Variants in ZMYM2 observed in about 807,000 individuals in gnomAD.
The protein encoded by ZMYM2 is zinc finger MYM-type protein 2.
In ZMYM2, 56 loss-of-function variants were observed where a neutral mutation model predicts 162.8. That is an observed-to-expected ratio of 0.34 (90% CI 0.28 to 0.43). The LOEUF is 0.43. ZMYM2 is among the 20% of genes least tolerant of loss of function. The pLI is 1.00. For missense variants in ZMYM2, 1,275 were observed against 1,621.8 expected, an observed-to-expected ratio of 0.79 and a Z score of 3.67; for synonymous variants, 510 against 541.6, an observed-to-expected ratio of 0.94 and a Z score of 0.81.
At chr13:20,021,863 G>A (rs1042116149) in intron 7 of ZMYM2, among the ~76,000 whole-genome samples, 16 of 152,048 alleles carry the variant, frequency 1.1e-4, no homozygotes, top group African/African-American at 3.9e-4. Flanking sequence ...AAAATACGTC[G>A]GTAGATGTAT....
intron 2 of ZMYM2, among the ~76,000 whole-genome samples, chr13:19,971,244 G>GTGTGTATATATATATATA (rs5802035): frequency 1.6e-4 from 8 of 50,122 alleles, no homozygotes; most frequent in East Asian, 5.7e-3. Context: ...GTGTGTGTGT[G>GTGTGTATATATATATATA]TATATATATA....
At chr13:20,037,611 T>C (rs538003878) in intron 12 of ZMYM2, among the ~76,000 whole-genome samples, 2 of 152,218 alleles carry the variant, frequency 1.3e-5, no homozygotes, top group Non-Finnish European at 2.9e-5. Context: ...TTGCTCTTTT[T>C]TGGCTTTTTG....
the ZMYM2 span, among the ~76,000 whole-genome samples, chr13:19,922,405 G>A: frequency 6.6e-6 from 1 of 152,216 alleles, no homozygotes; most frequent in Non-Finnish European, 1.5e-5. Flanking sequence ...TGTGGCAATA[G>A]CAAGCAGTTT....
chr13:19,969,195 G>A (rs989178720), intron 2 of ZMYM2, among the ~76,000 whole-genome samples: 3 of 152,282 alleles, frequency 2.0e-5, no homozygotes, highest in South Asian at 2.1e-4. Flanking sequence ...AACAATGGAC[G>A]TATTCATCGC....
In ZMYM2 at chr13:20,051,521, A is replaced by G. The variant is rs985176269; in HGVS notation, c.2381A>G (p.His794Arg). 13 of 1,613,522 alleles carry G rather than the reference A, an allele frequency of 8.1e-6. No individual in the cohort carries two copies. The highest frequency in any genetic ancestry group is 3.3e-5 in the South Asian group (3 of 91,072). The change falls in exon 13 of 25, where the codon CAT (histidine) becomes CGT (arginine). Residue 794 changes from histidine to arginine, a missense_variant. Around this residue, in one of 10 missense-constraint regions of ZMYM2, gnomAD observed 177 missense variants for 228.0 expected, o/e 0.78. Transcript: ENST00000610343. ...RGEMKHFCDQHCLLRFYCQQN... is the reference protein window; with the variant it reads ...RGEMKHFCDQRCLLRFYCQQN... ...GAAATGAAACATTTCTGTGATCAAC[A>G]TTGCTTACTGCGTTTCTACTGTCAA...
the ZMYM2 span, among the ~76,000 whole-genome samples, chr13:19,908,237 G>A: frequency 1.3e-5 from 2 of 152,098 alleles, no homozygotes; most frequent in East Asian, 1.9e-4. Context: ...GCAGTGAGCC[G>A]AGATTGGACC....
chr13:20,088,072 C>T lies in ZMYM2; in HGVS notation c.*2058C>T, dbSNP rs1958371872. On this transcript the variant is annotated 3_prime_UTR_variant, in exon 25 of 25. Transcript: ENST00000610343. ...TACTACTATCAAGCACCTTGTCTTG[C>T]TATTTACAGTTTCTTCATTTGTATA... 1 of 198,260 alleles carries T rather than the reference C, an allele frequency of 5.0e-6. No homozygotes were observed. The highest frequency in any genetic ancestry group is 1.0e-5 in the Non-Finnish European group (1 of 95,610). 12.3% of individuals were successfully genotyped at this position (198,260 alleles called of 1,614,324 possible).
chr13:20,019,510 A>G, intron 6 of ZMYM2, 37 bp from the exon 7 acceptor site: 1 of 1,511,644 alleles, frequency 6.6e-7, no homozygotes, highest in Non-Finnish European at 9.0e-7. Flanking sequence ...GCTATTCTTT[A>G]TGTGTGTTTA....
the ZMYM2 span, among the ~76,000 whole-genome samples, chr13:19,872,418 T>C: frequency 0.012 from 1,831 of 151,966 alleles, 37 homozygotes; most frequent in African/African-American, 0.04. Context: ...GGCATGGTGG[T>C]GGGTGCCTGT....
chr13:19,878,187 G>A, the ZMYM2 span, among the ~76,000 whole-genome samples: 1 of 151,840 alleles, frequency 6.6e-6, no homozygotes, highest in Non-Finnish European at 1.5e-5. Context: ...CGAGTAGCTG[G>A]GACTACAGGC....
intron 21 of ZMYM2, among the ~76,000 whole-genome samples, chr13:20,079,371 A>G (rs1330412648): frequency 8.7e-6 from 1 of 114,998 alleles, no homozygotes; most frequent in East Asian, 2.7e-4. Flanking sequence ...AAATCCCATA[A>G]TTGAAGACTT....
intron 12 of ZMYM2, among the ~76,000 whole-genome samples, chr13:20,041,858 T>TA (rs145739047): frequency 0.1 from 15,526 of 150,996 alleles, 1,274 homozygotes; most frequent in African/African-American, 0.22. Context: ...GGTGTTAAAT[T>TA]AAAAAAAAAG....
At chr13:20,074,237 T>TGTGTGTGTGTGAGA (rs1491090474) in intron 21 of ZMYM2, among the ~76,000 whole-genome samples, 129 of 127,564 alleles carry the variant, frequency 1.0e-3, no homozygotes, top group African/African-American at 3.3e-3. Flanking sequence ...TGTGTGTGTG[T>TGTGTGTGTGTGAGA]GAGAGAGACA....
At chr13:19,967,547 A>G (rs1198442499) in intron 2 of ZMYM2, among the ~76,000 whole-genome samples, 1 of 152,228 alleles carries the variant, frequency 6.6e-6, no homozygotes, top group Non-Finnish European at 1.5e-5. Context: ...TATACATTTA[A>G]TACATTTATC....
intron 3 of ZMYM2, among the ~76,000 whole-genome samples, chr13:20,002,334 G>A (rs1312551864): frequency 6.6e-6 from 1 of 152,154 alleles, no homozygotes; most frequent in Non-Finnish European, 1.5e-5. Flanking sequence ...CTATATGCCA[G>A]TTATTATGCT....
chr13:20,003,178 G>A (rs1400918676), intron 4 of ZMYM2, 43 bp downstream of exon 4: 2 of 1,555,236 alleles, frequency 1.3e-6, no homozygotes, highest in Admixed American at 2.1e-5. Flanking sequence ...GTTGAATTTT[G>A]GAGTTGTAAA....
chr13:19,877,000 G>T, the ZMYM2 span, among the ~76,000 whole-genome samples: 1 of 152,052 alleles, frequency 6.6e-6, no homozygotes, highest in East Asian at 1.9e-4. Flanking sequence ...CGAGGCGGGC[G>T]GATCACGAGG....
chr13:20,030,207 G>T (rs1279271441), intron 9 of ZMYM2, among the ~76,000 whole-genome samples: 4 of 150,634 alleles, frequency 2.7e-5, no homozygotes, highest in Non-Finnish European at 4.4e-5. Flanking sequence ...ATTTTTAAAT[G>T]TAACATAGGC....
chr13:19,992,008 C>G (rs1479618606), intron 2 of ZMYM2, among the ~76,000 whole-genome samples: 1 of 152,046 alleles, frequency 6.6e-6, no homozygotes, highest in African/African-American at 2.4e-5. Context: ...CTTGAAAATC[C>G]TTAACATTAA....
Sources: gnomAD v4.1 joint callset for allele counts (sites outside exome capture counted in the v4.1 genomes callset) on GRCh38, gnomAD v4.1.1 for gene constraint, gnomAD v4.1.1 regional missense constraint, MANE v1.5 for transcripts, NCBI Gene and HGNC (gene_info 2026-07-23, HGNC 2026-07-21) for gene names.